Variants in SVIL observed in about 807,000 individuals in gnomAD.
The protein encoded by SVIL is archvillin.
A neutral mutation model predicts 240.4 loss-of-function variants in SVIL; 101 were observed. The observed-to-expected ratio is 0.42, with a 90% CI of 0.36 to 0.50. SVIL has a LOEUF of 0.50. Among genes scored for constraint, SVIL ranks in the 20% least tolerant of loss-of-function variants. SVIL has a pLI of 0.01. For synonymous variants in SVIL, 999 were observed against 1,100.0 expected, an observed-to-expected ratio of 0.91 and a Z score of 1.82; for missense variants, 2,512 against 2,818.7, an observed-to-expected ratio of 0.89 and a Z score of 2.46.
intron 17 of SVIL, among the ~76,000 whole-genome samples, chr10:29,505,344 CATA>C (rs1949196666): frequency 6.8e-6 from 1 of 146,888 alleles, no homozygotes; most frequent in African/African-American, 2.7e-5. Context: ...TAATAATAAT[CATA>C]ATAATTTAAA....
chr10:29,628,283 T>A (rs982403558), intron 1 of SVIL, among the ~76,000 whole-genome samples: 1 of 152,216 alleles, frequency 6.6e-6, no homozygotes, highest in Non-Finnish European at 1.5e-5. Context: ...GAGCGGTTTG[T>A]TTGTTTTGGA....
At chr10:29,622,207 G>C (rs566717817) in intron 1 of SVIL, among the ~76,000 whole-genome samples, 1 of 119,996 alleles carries the variant, frequency 8.3e-6, no homozygotes, top group African/African-American at 3.2e-5. Context: ...CCGAGATCGC[G>C]CCACTGCACT....
At chr10:29,725,562 T>A (rs1273653124) in intron 1 of SVIL, among the ~76,000 whole-genome samples, 1 of 152,080 alleles carries the variant, frequency 6.6e-6, no homozygotes, top group Non-Finnish European at 1.5e-5. Flanking sequence ...GAACAGATCC[T>A]AAAGAGGAAG....
intron 1 of SVIL, among the ~76,000 whole-genome samples, chr10:29,586,765 C>G (rs1489875967): frequency 6.6e-6 from 1 of 152,114 alleles, no homozygotes; most frequent in Non-Finnish European, 1.5e-5. Context: ...CAGGAGGCTA[C>G]CATCCTTGGA....
intron 1 of SVIL, among the ~76,000 whole-genome samples, chr10:29,586,732 C>T (rs1293469953): frequency 6.6e-6 from 1 of 152,136 alleles, no homozygotes; most frequent in East Asian, 1.9e-4. Flanking sequence ...GAAACTATGT[C>T]CTCTGCAGGG....
chr10:29,704,125 C>T (rs969327996), intron 1 of SVIL, among the ~76,000 whole-genome samples: 5 of 152,152 alleles, frequency 3.3e-5, no homozygotes, highest in Non-Finnish European at 5.9e-5. Context: ...TTGAACTGTT[C>T]ATTAATATCC....
At chr10:29,499,470 C>G (rs1356148388) in intron 17 of SVIL, among the ~76,000 whole-genome samples, 2 of 152,176 alleles carry the variant, frequency 1.3e-5, no homozygotes, top group East Asian at 1.9e-4. Flanking sequence ...GATGCTGTAA[C>G]TTTAGATGAA....
intron 1 of SVIL, among the ~76,000 whole-genome samples, chr10:29,622,270 A>AAAAAAAAG: frequency 1.3e-5 from 2 of 150,546 alleles, no homozygotes; most frequent in Non-Finnish European, 3.0e-5. Flanking sequence ...AAAAAAAAAA[A>AAAAAAAAG]AAAAAGAACC....
intron 2 of SVIL, among the ~76,000 whole-genome samples, chr10:29,669,704 A>C (rs991491577): frequency 2.6e-5 from 4 of 152,258 alleles, no homozygotes; most frequent in African/African-American, 9.6e-5. Context: ...TGAGTGAACG[A>C]AGGTGCCGTT....
At chr10:29,675,624 C>T (rs955976012) in intron 2 of SVIL, among the ~76,000 whole-genome samples, 2 of 152,184 alleles carry the variant, frequency 1.3e-5, no homozygotes, top group Non-Finnish European at 1.5e-5. Context: ...GTTTCCATTT[C>T]CTGTCCATCA....
intron 3 of SVIL, among the ~76,000 whole-genome samples, chr10:29,655,420 A>T (rs1409759503): frequency 6.6e-6 from 1 of 152,222 alleles, no homozygotes; most frequent in East Asian, 1.9e-4. Context: ...CATCCAGCAC[A>T]GGAAGAGGAA....
chr10:29,482,661 T>G (rs1342002818), intron 27 of SVIL, among the ~76,000 whole-genome samples: 2 of 152,196 alleles, frequency 1.3e-5, no homozygotes, highest in Non-Finnish European at 2.9e-5. Flanking sequence ...CACAGAGAGA[T>G]AGGAAAGAAA....
intron 1 of SVIL, among the ~76,000 whole-genome samples, chr10:29,693,366 A>G (rs750364806): frequency 1.3e-5 from 2 of 152,158 alleles, no homozygotes; most frequent in Non-Finnish European, 2.9e-5. Flanking sequence ...GAAAAAAGAA[A>G]ACAATCTAGA....
intron 2 of SVIL, among the ~76,000 whole-genome samples, chr10:29,661,722 G>A (rs1959165893): frequency 6.6e-6 from 1 of 152,234 alleles, no homozygotes; most frequent in Non-Finnish European, 1.5e-5. Context: ...AATGTTTCAA[G>A]CCTGTGCTTT....
At chr10:29,558,975 ATAT>A (rs1402338783) in intron 3 of SVIL, among the ~76,000 whole-genome samples, 6 of 148,538 alleles carry the variant, frequency 4.0e-5, no homozygotes, top group South Asian at 2.1e-4. Flanking sequence ...TATATATTTT[ATAT>A]TATTATATAA....
intron 1 of SVIL, among the ~76,000 whole-genome samples, chr10:29,729,272 C>T (rs1964462896): frequency 6.6e-6 from 1 of 152,138 alleles, no homozygotes; most frequent in Non-Finnish European, 1.5e-5. Context: ...AGGAAACAGG[C>T]TAACTTTGAC....
chr10:29,735,161 C>T lies in SVIL; in HGVS notation c.-400+590G>A, dbSNP rs894744100. ...ACTCCCTTCGGGGAGCCCGCACGCG[C>T]GCAGAAACGTGGGCAGCTGGGGTGG... On this transcript the variant is annotated intron_variant, in intron 1 of 35. Transcript: ENST00000375400. This position sits in a 1 kb window ranked among gnomAD's most constrained non-coding sequence, Gnocchi z 4.1. Among the ~76,000 whole-genome samples the T allele has an allele frequency of 6.6e-6, 1 of 152,064 alleles. No individual in the cohort carries two copies. The highest frequency in any genetic ancestry group is 1.9e-4 in the East Asian group (1 of 5,142).
chr10:29,576,658 C>T (rs531029689), intron 1 of SVIL, among the ~76,000 whole-genome samples: 75 of 152,296 alleles, frequency 4.9e-4, no homozygotes, highest in African/African-American at 1.7e-3. Context: ...AATTCTCCCA[C>T]CTCATCCTCC....
chr10:29,724,370 A>AACACACACACACACAC (rs9299624), intron 1 of SVIL, among the ~76,000 whole-genome samples: 1,843 of 146,096 alleles, frequency 0.013, 22 homozygotes, highest in African/African-American at 0.015. Context: ...GAGGATTTAA[A>AACACACACACACACAC]ACACACACAC....
Sources: gnomAD v4.1 joint callset for allele counts (sites outside exome capture counted in the v4.1 genomes callset) on GRCh38, gnomAD v4.1.1 for gene constraint, Gnocchi (gnomAD v3.1) non-coding constraint, MANE v1.5 for transcripts, NCBI Gene and HGNC (gene_info 2026-07-23, HGNC 2026-07-21) for gene names.